Variants in RGS7 observed in about 807,000 individuals in gnomAD.
RGS7 encodes regulator of G-protein signaling 7.
In RGS7, 27 loss-of-function variants were observed where a neutral mutation model predicts 81.1. The ratio of observed to expected loss-of-function variants is 0.33; its 90% confidence interval spans 0.25 to 0.46. The LOEUF (loss-of-function observed/expected upper bound fraction) is 0.46, where lower values mean the gene tolerates loss of function less well. Among genes scored for constraint, RGS7 ranks in the 20% least tolerant of loss-of-function variants. The pLI is 1.00. For missense variants in RGS7, 396 were observed against 607.4 expected (o/e 0.65, Z 3.66); for synonymous variants, 208 against 207.7 (o/e 1.00, Z -0.01).
chr1:240,963,896 C>T (rs1175998972), intron 4 of RGS7, among the ~76,000 whole-genome samples: 2 of 152,196 alleles, frequency 1.3e-5, no homozygotes, highest in East Asian at 3.9e-4. Flanking sequence ...CCTGTAATCC[C>T]AGCACTTTGG....
intron 18 of RGS7, among the ~76,000 whole-genome samples, chr1:240,793,611 A>ATATATTTTTTTTTTTTTTTTTTTT: frequency 2.5e-5 from 2 of 78,872 alleles, no homozygotes; most frequent in African/African-American, 1.9e-4. Context: ...ATATATATAT[A>ATATATTTTTTTTTTTTTTTTTTTT]TTTTTTTTTT....
chr1:240,973,964 G>A (rs1683682126), intron 4 of RGS7, among the ~76,000 whole-genome samples: 1 of 152,126 alleles, frequency 6.6e-6, no homozygotes, highest in African/African-American at 2.4e-5. Flanking sequence ...TAAATTCGTG[G>A]AATACAAAGG....
chr1:241,065,853 T>C (rs548033420), intron 3 of RGS7, among the ~76,000 whole-genome samples: 1 of 152,286 alleles, frequency 6.6e-6, no homozygotes, highest in East Asian at 1.9e-4. Context: ...CCTCAAATGT[T>C]AAATTAGGCT....
intron 5 of RGS7, among the ~76,000 whole-genome samples, chr1:240,933,039 C>G (rs186245933): frequency 9.4e-5 from 14 of 148,606 alleles, no homozygotes; most frequent in Non-Finnish European, 1.9e-4. Flanking sequence ...GCCCGCACCA[C>G]GCCCGGCTAA....
chr1:240,904,696 A>C (rs1339481349), intron 6 of RGS7, among the ~76,000 whole-genome samples: 1 of 152,212 alleles, frequency 6.6e-6, no homozygotes, highest in Non-Finnish European at 1.5e-5. Context: ...GGTCTGGAAA[A>C]GTTTATATGA....
intron 6 of RGS7, among the ~76,000 whole-genome samples, chr1:240,919,385 G>A (rs1310440626): frequency 6.6e-6 from 1 of 151,864 alleles, no homozygotes. Flanking sequence ...ATCATGACCA[G>A]GTGATATTTA....
chr1:240,782,855 T>C (rs1684364866), intron 18 of RGS7, among the ~76,000 whole-genome samples: 1 of 152,252 alleles, frequency 6.6e-6, no homozygotes, highest in African/African-American at 2.4e-5. Flanking sequence ...TACTTATTTT[T>C]AACCCAATGA....
At chr1:241,254,690 CA>C (rs1471241587) in intron 2 of RGS7, among the ~76,000 whole-genome samples, 1 of 152,034 alleles carries the variant, frequency 6.6e-6, no homozygotes, top group Non-Finnish European at 1.5e-5. Context: ...TTTGAGGTTT[CA>C]ATTGTATAAT....
At chr1:240,823,228 A>T (rs1379833441) in intron 10 of RGS7, 2 of 767,512 alleles carry the variant, frequency 2.6e-6, no homozygotes, top group Non-Finnish European at 4.7e-6. Context: ...CTTGTGGTAG[A>T]GGGTCCATCC....
At chr1:241,267,370 G>A (rs748523891) in intron 2 of RGS7, among the ~76,000 whole-genome samples, 25 of 152,208 alleles carry the variant, frequency 1.6e-4, no homozygotes, top group Non-Finnish European at 3.1e-4. Context: ...AGGGTACCAG[G>A]ATGCTGCAGA....
chr1:241,099,166 C>T (rs1423112150), intron 2 of RGS7, among the ~76,000 whole-genome samples: 3 of 152,154 alleles, frequency 2.0e-5, no homozygotes, highest in African/African-American at 7.2e-5. Context: ...AAAGCATCTG[C>T]TTGAATTGCT....
chr1:240,908,197 G>A (rs1311926209), intron 6 of RGS7, among the ~76,000 whole-genome samples: 1 of 123,426 alleles, frequency 8.1e-6, no homozygotes, highest in Non-Finnish European at 1.6e-5. Context: ...GGGGCCTGTC[G>A]TGGGGTGGGG....
chr1:241,354,513 G>GA (rs1295426567), intron 2 of RGS7, among the ~76,000 whole-genome samples: 18 of 152,146 alleles, frequency 1.2e-4, no homozygotes, highest in Non-Finnish European at 2.4e-4. Context: ...ATTGTACCAG[G>GA]ACGCCTGTGC....
chr1:240,896,161 TC>T (rs1330431896), intron 6 of RGS7, among the ~76,000 whole-genome samples: 1 of 152,226 alleles, frequency 6.6e-6, no homozygotes, highest in East Asian at 1.9e-4. Context: ...TTGTTTAAGT[TC>T]TTCATAGATT....
At chr1:240,843,298 C>A (rs138045637) in intron 9 of RGS7, among the ~76,000 whole-genome samples, 1 of 152,028 alleles carries the variant, frequency 6.6e-6, no homozygotes, top group East Asian at 1.9e-4. Context: ...CAGGGTCTTG[C>A]TCTGTTGCCC....
chr1:240,853,470 T>C (rs1219496576), intron 9 of RGS7, among the ~76,000 whole-genome samples: 2 of 152,196 alleles, frequency 1.3e-5, no homozygotes, highest in African/African-American at 4.8e-5. Flanking sequence ...ATGAAGCCAA[T>C]GATGGGAATC....
chr1:240,973,286 A>C (rs1683538509), intron 4 of RGS7, among the ~76,000 whole-genome samples: 1 of 152,104 alleles, frequency 6.6e-6, no homozygotes, highest in African/African-American at 2.4e-5. Flanking sequence ...TGGGAGGCTG[A>C]GGAGGGCAGA....
chr1:241,284,655 G>A (rs937314605), intron 2 of RGS7, among the ~76,000 whole-genome samples: 1 of 152,162 alleles, frequency 6.6e-6, no homozygotes. Flanking sequence ...GCCAGTGACA[G>A]GAACAAAAGT....
At chr1:241,169,466 C>T (rs2070557415) in intron 2 of RGS7, among the ~76,000 whole-genome samples, 1 of 150,890 alleles carries the variant, frequency 6.6e-6, no homozygotes, top group Admixed American at 6.6e-5. Flanking sequence ...CCTCAGCCTC[C>T]CAAGTAGCTG....
Sources: gnomAD v4.1 joint callset for allele counts (sites outside exome capture counted in the v4.1 genomes callset) on GRCh38, gnomAD v4.1.1 for gene constraint, MANE v1.5 for transcripts, NCBI Gene and HGNC (gene_info 2026-07-23, HGNC 2026-07-21) for gene names.